The following FGF13 variants were observed in gnomAD, a reference collection of about 807,000 sequenced individuals.
The protein encoded by FGF13 is fibroblast growth factor homologous factor 2.
A neutral mutation model predicts 19.5 loss-of-function variants in FGF13; 2 were observed. The ratio of observed to expected loss-of-function variants is 0.10; its 90% CI spans 0.04 to 0.32. The LOEUF is 0.32. FGF13 is among the 10% of genes least tolerant of loss of function. The pLI is 1.00. For missense variants in FGF13, 113 were observed against 192.7 expected, an observed-to-expected ratio of 0.59 and a Z score of 2.45; for synonymous variants, 72 against 76.9, an observed-to-expected ratio of 0.94 and a Z score of 0.33.
At chrX:139,038,198 C>G (rs2092256909) in intron 1 of FGF13, among the ~76,000 whole-genome samples, 1 of 111,410 alleles carries the variant, frequency 9.0e-6, no homozygotes, top group Non-Finnish European at 1.9e-5. Flanking sequence ...CTCCTAGTTT[C>G]ATCAACACAC....
chrX:139,148,860 G>A (rs778146637), intron 1 of FGF13, among the ~76,000 whole-genome samples: 68 of 110,805 alleles, frequency 6.1e-4, no homozygotes, highest in African/African-American at 2.0e-3. Flanking sequence ...GGGAAATATG[G>A]TGACAATAAT....
chrX:138,857,431 G>A, downstream of FGF13: 1 of 999,981 alleles, frequency 1.0e-6, no homozygotes, highest in South Asian at 2.4e-5. Flanking sequence ...GCACACCAGA[G>A]GGCAATGCAC....
intron 1 of FGF13, among the ~76,000 whole-genome samples, chrX:139,093,554 G>T (rs2083451862): frequency 8.9e-6 from 1 of 111,931 alleles, no homozygotes; most frequent in Non-Finnish European, 1.9e-5. Flanking sequence ...ACTTACTTCA[G>T]GATTTGGTCA....
intron 1 of FGF13, among the ~76,000 whole-genome samples, chrX:139,037,210 G>A (rs1292974462): frequency 9.0e-6 from 1 of 111,243 alleles, no homozygotes; most frequent in Non-Finnish European, 1.9e-5. Flanking sequence ...AAAAAGCTGA[G>A]TTTCATCTCT....
In FGF13 at chrX:139,024,108, G is replaced by C. The variant is rs770771019; in HGVS notation, c.-112-159458C>G. ...AAGGGCTGGGTCTTCTGTTCACAGGGGCAGTGAACCTACAGACAACTAGCA... is the reference window on the plus strand; with the variant it reads ...AAGGGCTGGGTCTTCTGTTCACAGGCGCAGTGAACCTACAGACAACTAGCA... On this transcript the variant is annotated intron_variant, in intron 1 of 2. Transcript: ENST00000421460. 2.1e-3 allele frequency among the ~76,000 whole-genome samples: 230 copies of C among 110,579 alleles called. 1 individual carries two copies. Among genetic ancestry groups the C allele is most frequent in the Non-Finnish European group, 3.2e-3 (170 of 52,805 alleles).
At chrX:139,011,460 T>C (rs1175005011) in intron 1 of FGF13, among the ~76,000 whole-genome samples, 2 of 109,698 alleles carry the variant, frequency 1.8e-5, no homozygotes, top group Non-Finnish European at 3.8e-5. Context: ...GCAAACCTAA[T>C]ACAACAGCAT....
At chrX:138,945,030 T>C (rs2091775497) in intron 1 of FGF13, among the ~76,000 whole-genome samples, 1 of 109,855 alleles carries the variant, frequency 9.1e-6, no homozygotes, top group Non-Finnish European at 1.9e-5. Flanking sequence ...GACTCTGTTC[T>C]TCTTGGTGGT....
At chrX:138,742,674 C>A (rs776817673), upstream of FGF13, among the ~76,000 whole-genome samples, 1 of 111,941 alleles carries the variant, frequency 8.9e-6, no homozygotes, top group Non-Finnish European at 1.9e-5. Context: ...CACTGCATTG[C>A]GGTCAAGCAG....
At chrX:138,938,597 T>C (rs2091743419) in intron 1 of FGF13, among the ~76,000 whole-genome samples, 1 of 111,236 alleles carries the variant, frequency 9.0e-6, no homozygotes, top group Non-Finnish European at 1.9e-5. Context: ...TACCCTCTGT[T>C]TGCTACTTAG....
rs895438237 is a variant in FGF13 at position 139,043,456 on chromosome X, G to A, written c.-113+159960C>T. ...TCGAGCTTCTAACCTCAGGTAATCC[G>A]CCCGCCTCGGCTTCCCAAAGTGCTG... On this transcript the variant is annotated intron_variant, in intron 1 of 2. Coordinates refer to the FGF13 transcript ENST00000421460. Among the ~76,000 whole-genome samples, 20 of 110,422 alleles carry A rather than the reference G, an allele frequency of 1.8e-4. No individual in the cohort carries two copies. In the East Asian group the frequency reaches 4.3e-3, roughly 24 times the overall value.
chrX:138,708,243 T>C (rs1243141315), intron 2 of FGF13, among the ~76,000 whole-genome samples: 1 of 112,586 alleles, frequency 8.9e-6, no homozygotes, highest in Admixed American at 9.4e-5. Flanking sequence ...TATGTGTTTC[T>C]TTTTTAGGCT....
chrX:138,990,926 C>T (rs2092013044), intron 1 of FGF13, among the ~76,000 whole-genome samples: 1 of 112,098 alleles, frequency 8.9e-6, no homozygotes, highest in Non-Finnish European at 1.9e-5. Flanking sequence ...CAGTCCCAAG[C>T]AAGGGCTCCA....
chrX:138,979,986 T>C (rs2091956792), intron 1 of FGF13, among the ~76,000 whole-genome samples: 1 of 111,904 alleles, frequency 8.9e-6, no homozygotes, highest in Non-Finnish European at 1.9e-5. Context: ...GTTAATTGAG[T>C]AATGCCAAGG....
At chrX:138,699,124 T>C (rs140688057) in intron 3 of FGF13, among the ~76,000 whole-genome samples, 1,630 of 111,422 alleles carry the variant, frequency 0.015, 17 homozygotes, top group Non-Finnish European at 0.023. Flanking sequence ...AATGGAAAAA[T>C]GCAGATCATC....
chrX:138,995,334 C>T (rs1017621191), intron 1 of FGF13, among the ~76,000 whole-genome samples: 8 of 110,507 alleles, frequency 7.2e-5, no homozygotes, highest in Non-Finnish European at 1.1e-4. Flanking sequence ...TTTTATTTTA[C>T]GTTTAGGAGT....
chrX:138,880,734 C>T (rs1011699685), intron 1 of FGF13, among the ~76,000 whole-genome samples: 1 of 112,272 alleles, frequency 8.9e-6, no homozygotes, highest in Non-Finnish European at 1.9e-5. Context: ...ATCAATTTAT[C>T]TTAGATGTAT....
At chrX:139,123,934 C>T (rs1413474916) in intron 1 of FGF13, among the ~76,000 whole-genome samples, 1 of 112,400 alleles carries the variant, frequency 8.9e-6, no homozygotes, top group African/African-American at 3.2e-5. Flanking sequence ...AAACAATCCT[C>T]CTTAACAAGG....
intron 1 of FGF13, among the ~76,000 whole-genome samples, chrX:138,971,004 C>A (rs2091913185): frequency 9.0e-6 from 1 of 111,681 alleles, no homozygotes; most frequent in Non-Finnish European, 1.9e-5. Context: ...TAAGTGGGTT[C>A]ATGATGAACT....
In FGF13 at chrX:138,702,165, C is replaced by A. The variant is rs192877122; in HGVS notation, c.402+819G>T. Among the ~76,000 whole-genome samples the A allele has an allele frequency of 7.9e-3, 868 of 109,448 alleles. 7 individuals carry two copies. Among genetic ancestry groups the A allele is most frequent in the Non-Finnish European group, 0.012 (636 of 52,652 alleles). ...CGGCACTCCAGCCTGGGCCACAGAGCAAGATTCTATCTCAAATAAATAAAT... is the reference window on the plus strand; with the variant it reads ...CGGCACTCCAGCCTGGGCCACAGAGAAAGATTCTATCTCAAATAAATAAAT... On this transcript the variant is annotated intron_variant, in intron 3 of 4. Coordinates refer to ENST00000315930, the MANE Select transcript of FGF13 (RefSeq NM_004114.5).
Sources: gnomAD v4.1 joint callset for allele counts (sites outside exome capture counted in the v4.1 genomes callset) on GRCh38, gnomAD v4.1.1 for gene constraint, MANE v1.5 for transcripts, NCBI Gene and HGNC (gene_info 2026-07-23, HGNC 2026-07-21) for gene names.